Variants in WLS observed in about 807,000 individuals in gnomAD.
WLS encodes Wnt ligand secretion mediator, also known as protein wntless homolog.
A neutral mutation model predicts 62.8 loss-of-function variants in WLS; 23 were observed. The ratio of observed to expected loss-of-function variants is 0.37; its 90% CI spans 0.26 to 0.52. The LOEUF (loss-of-function observed/expected upper bound fraction) is 0.52, where lower values mean the gene tolerates loss of function less well. Among genes scored for constraint, WLS ranks in the 20% least tolerant of loss-of-function variants. The probability of loss-of-function intolerance (pLI) is 0.92; values close to 1 mark genes in which losing one functional copy is unlikely to be tolerated. For missense variants in WLS, 615 were observed against 697.3 expected, an observed-to-expected ratio of 0.88 and a Z score of 1.33; for synonymous variants, 246 against 244.1, an observed-to-expected ratio of 1.01 and a Z score of -0.07.
At chr1:68,220,671 C>T (rs946771413) in intron 1 of WLS, among the ~76,000 whole-genome samples, 3 of 152,184 alleles carry the variant, frequency 2.0e-5, no homozygotes. Context: ...CATGAACTAT[C>T]AAATGGAAAA....
At chr1:68,222,691 T>C (rs761505373) in intron 1 of WLS, among the ~76,000 whole-genome samples, 1 of 152,028 alleles carries the variant, frequency 6.6e-6, no homozygotes, top group Non-Finnish European at 1.5e-5. Flanking sequence ...CCTTCTAAAT[T>C]AAGGTAGAAC....
At chr1:68,118,509 C>T (rs1646322871) in intron 11 of WLS, among the ~76,000 whole-genome samples, 1 of 152,142 alleles carries the variant, frequency 6.6e-6, no homozygotes, top group South Asian at 2.1e-4. Flanking sequence ...TCCCTCCCGC[C>T]TTCCTTTACC....
intron 10 of WLS, among the ~76,000 whole-genome samples, chr1:68,140,475 G>A (rs1339595747): frequency 6.6e-6 from 1 of 152,040 alleles, no homozygotes; most frequent in Non-Finnish European, 1.5e-5. Context: ...ATATATCCTG[G>A]ACATAGTAAC....
At chr1:68,137,403 C>T (rs555139024) in intron 11 of WLS, among the ~76,000 whole-genome samples, 2 of 152,264 alleles carry the variant, frequency 1.3e-5, no homozygotes, top group South Asian at 2.1e-4. Flanking sequence ...ACTCCCTCCA[C>T]CTGATATCTT....
chr1:68,163,040 A>G, intron 2 of WLS: 1 of 1,580,544 alleles, frequency 6.3e-7, no homozygotes, highest in South Asian at 1.1e-5. Flanking sequence ...TACCTTCACA[A>G]ATTCTGTCCA....
chr1:68,126,247 G>A lies in WLS; in HGVS notation c.1605C>T (p.Thr535=), dbSNP rs760937981. 3.1e-6 allele frequency: 5 copies of A among 1,614,054 alleles called. No individual in the cohort carries two copies. The highest frequency in any genetic ancestry group is 8.5e-7 in the Non-Finnish European group (1 of 1,180,040). ...CCTCCTACTCCTGGGCCTCCTTGCG[G>A]GTCAACTTGTAGATCTCAGTGGGTC... ...VDGPTEIYKL[T]RKEAQE Residue 535 remains threonine, a synonymous_variant, in exon 12 of 12, where the codon ACC becomes ACT. Transcript: ENST00000262348.
intron 2 of WLS, among the ~76,000 whole-genome samples, chr1:68,185,275 T>C (rs1647858503): frequency 6.6e-6 from 1 of 152,206 alleles, no homozygotes; most frequent in Non-Finnish European, 1.5e-5. Context: ...TTAGGATTGA[T>C]TGATTTGCTA....
At chr1:68,133,750 T>C (rs1450152722) in intron 11 of WLS, among the ~76,000 whole-genome samples, 1 of 152,236 alleles carries the variant, frequency 6.6e-6, no homozygotes, top group Non-Finnish European at 1.5e-5. Context: ...TATCGTGAAA[T>C]GCTCAATGAT....
chr1:68,142,168 G>A (rs958941916), intron 10 of WLS, among the ~76,000 whole-genome samples: 1 of 152,218 alleles, frequency 6.6e-6, no homozygotes, highest in Non-Finnish European at 1.5e-5. Context: ...CTGCTTCAGG[G>A]ATCAGTCCTT....
intron 11 of WLS, among the ~76,000 whole-genome samples, chr1:68,132,626 A>G (rs1646543793): frequency 6.6e-6 from 1 of 152,214 alleles, no homozygotes; most frequent in South Asian, 2.1e-4. Context: ...GAGTGGGTGC[A>G]TTAGACAGAA....
intron 1 of WLS, among the ~76,000 whole-genome samples, chr1:68,209,185 A>G (rs548620033): frequency 8.5e-5 from 13 of 152,308 alleles, no homozygotes; most frequent in East Asian, 1.9e-4. Context: ...AACATTGCCA[A>G]ATATTCCCTG....
intron 2 of WLS, among the ~76,000 whole-genome samples, chr1:68,188,189 A>T (rs1053876512): frequency 6.6e-6 from 1 of 152,356 alleles, no homozygotes; most frequent in African/African-American, 2.4e-5. Context: ...CCTATAGTCA[A>T]TTCTTAACTT....
At chr1:68,166,929 C>T (rs1015579531) in intron 2 of WLS, among the ~76,000 whole-genome samples, 4 of 152,122 alleles carry the variant, frequency 2.6e-5, no homozygotes, top group African/African-American at 9.7e-5. Context: ...TAGCATCCTG[C>T]CATCTTTTAT....
At chr1:68,119,062 A>G (rs14130) in intron 11 of WLS, among the ~76,000 whole-genome samples, 49,392 of 151,798 alleles carry the variant, frequency 0.33, 8,309 homozygotes, top group East Asian at 0.4. Flanking sequence ...TGTAATAGTC[A>G]AACTTTGCAA....
chr1:68,205,577 T>C lies in WLS; in HGVS notation c.107-11350A>G, dbSNP rs376622211. On this transcript the variant is annotated intron_variant, in intron 1 of 11. Coordinates refer to ENST00000262348, the MANE Select transcript of WLS (RefSeq NM_024911.7). ...AAGGCCTAAATGAATAGAAAGCAAATGGGGGACAAAATGAAATAAAATGTT... is the reference window on the plus strand; with the variant it reads ...AAGGCCTAAATGAATAGAAAGCAAACGGGGGACAAAATGAAATAAAATGTT... Among the ~76,000 whole-genome samples, 51 of 152,250 alleles carry C rather than the reference T, an allele frequency of 3.3e-4. No individual in the cohort carries two copies. The South Asian group carries it at 0.01, about 31-fold the overall frequency.
rs11290966 is a variant in WLS, at chr1:68,110,007, T to TAAAA, written c.1511-11258_1511-11255dup. On this transcript the variant is annotated intron_variant, in intron 11 of 11. Coordinates refer to the WLS transcript ENST00000354777. ...TTGCACTGGAACACAACACAAAAAG[T>TAAAA]AAAAAAAAAAAAAAAAAAAAAAAAA... 3.0e-3 allele frequency among the ~76,000 whole-genome samples: 86 copies of TAAAA among 28,366 alleles called. 5 individuals carry two copies. The highest frequency in any genetic ancestry group is 4.6e-3 in the African/African-American group (28 of 6,150). 18.6% of individuals were successfully genotyped at this position (28,366 alleles called of 152,430 possible).
At chr1:68,189,514 T>C (rs948649778) in intron 2 of WLS, among the ~76,000 whole-genome samples, 6 of 152,198 alleles carry the variant, frequency 3.9e-5, no homozygotes, top group African/African-American at 1.2e-4. Context: ...ATCATGTATG[T>C]ATATAGGGTT....
At chr1:68,154,120 C>T (rs529236030) in intron 4 of WLS, among the ~76,000 whole-genome samples, 141 of 152,004 alleles carry the variant, frequency 9.3e-4, no homozygotes, top group Middle Eastern at 6.8e-3. Flanking sequence ...AGCTACCACC[C>T]CCACAGTGTA....
intron 5 of WLS, among the ~76,000 whole-genome samples, chr1:68,151,753 G>C (rs947877005): frequency 6.6e-6 from 1 of 152,126 alleles, no homozygotes; most frequent in African/African-American, 2.4e-5. Context: ...GAGGACAAGT[G>C]ACAAGATCAG....
Sources: allele counts gnomAD v4.1 joint callset (sites outside exome capture counted in the v4.1 genomes callset), GRCh38; gene constraint gnomAD v4.1.1; transcripts MANE v1.5; gene names NCBI Gene and HGNC (gene_info 2026-07-23, HGNC 2026-07-21).